Variants in CNTNAP3B observed in about 807,000 individuals in gnomAD.
CNTNAP3B encodes the protein contactin associated protein family member 3B.
In CNTNAP3B, 25 loss-of-function variants were observed where a neutral mutation model predicts 108.9. That is an observed-to-expected ratio of 0.23 (90% CI 0.17 to 0.32). The LOEUF is 0.32. CNTNAP3B is among the 10% of genes least tolerant of loss of function. The pLI is 1.00. For synonymous variants in CNTNAP3B, 103 were observed against 473.4 expected (o/e 0.22, Z 10.16); for missense variants, 252 against 1,210.4 (o/e 0.21, Z 11.75).
At chr9:41,939,589 G>C (rs1239126291) in intron 13 of CNTNAP3B, among the ~76,000 whole-genome samples, 4 of 152,298 alleles carry the variant, frequency 2.6e-5, no homozygotes, top group East Asian at 3.8e-4. Context: ...CTAAAAGCTT[G>C]TCACTACAAC....
chr9:41,979,112 G>T (rs1298774886), intron 9 of CNTNAP3B, among the ~76,000 whole-genome samples: 1 of 134,722 alleles, frequency 7.4e-6, no homozygotes, highest in Non-Finnish European at 1.6e-5. Flanking sequence ...TTCCTGAGGC[G>T]TTGTTCCTGC....
intron 3 of CNTNAP3B, among the ~76,000 whole-genome samples, chr9:42,061,444 A>T (rs62553640): frequency 7.6e-6 from 1 of 130,970 alleles, no homozygotes; most frequent in East Asian, 2.3e-4. Flanking sequence ...CAGCCTCCCG[A>T]GTAGCTGGGA....
chr9:41,963,934 C>T (rs1200283731), intron 11 of CNTNAP3B, among the ~76,000 whole-genome samples: 7 of 152,192 alleles, frequency 4.6e-5, no homozygotes, highest in African/African-American at 1.2e-4. Flanking sequence ...GTACTCAATA[C>T]ATTAATACTT....
intron 11 of CNTNAP3B, among the ~76,000 whole-genome samples, chr9:41,962,525 G>A (rs1247314551): frequency 6.9e-6 from 1 of 145,754 alleles, no homozygotes; most frequent in Non-Finnish European, 1.5e-5. Flanking sequence ...ACAAGAATAG[G>A]CTTCTGCTTT....
At chr9:41,982,158 T>A (rs1469919912) in intron 9 of CNTNAP3B, among the ~76,000 whole-genome samples, 1 of 68,730 alleles carries the variant, frequency 1.5e-5, no homozygotes, top group African/African-American at 7.1e-5. Context: ...ACACAGGACA[T>A]GGCAAAAATT....
chr9:42,089,226 AAATGTAGGGG>A (rs901663246), intron 2 of CNTNAP3B, among the ~76,000 whole-genome samples: 2 of 122,424 alleles, frequency 1.6e-5, no homozygotes, highest in Admixed American at 8.5e-5. Flanking sequence ...GGGAGAAGAA[AAATGTAGGGG>A]AATTTAATTC....
intron 2 of CNTNAP3B, among the ~76,000 whole-genome samples, chr9:42,104,274 G>T: frequency 1.3e-5 from 1 of 79,566 alleles, no homozygotes. Context: ...GTATACTGTG[G>T]CAGAACAAAA....
chr9:42,125,851 C>T lies in CNTNAP3B; in HGVS notation c.85+3159G>A, dbSNP rs1292572763. Among the ~76,000 whole-genome samples, 23 of 127,664 alleles carry T rather than the reference C, an allele frequency of 1.8e-4. 3 individuals carry two copies. Among genetic ancestry groups the T allele is most frequent in the Non-Finnish European group, 3.3e-4 (20 of 60,946 alleles). 83.8% of individuals were successfully genotyped at this position (127,664 alleles called of 152,430 possible). A position where few individuals can be genotyped will look rare whatever the true frequency, so the allele number is the denominator to read the frequency against. The stretch of plus-strand genomic sequence containing the variant: ...CAGGCTGGTTTCGAACTCCCGACCT[C>T]AAGTGATCCACCCGCCTCAGCCTCC... On this transcript the variant is annotated intron_variant, in intron 1 of 23. Coordinates refer to ENST00000377561, the MANE Select transcript of CNTNAP3B (RefSeq NM_001201380.3).
intron 4 of CNTNAP3B, among the ~76,000 whole-genome samples, chr9:42,003,242 C>A (rs1294070591): frequency 7.9e-6 from 1 of 125,892 alleles, no homozygotes; most frequent in African/African-American, 3.2e-5. Flanking sequence ...CTTCTCATTA[C>A]TACTTTTCTA....
intron 1 of CNTNAP3B, among the ~76,000 whole-genome samples, chr9:42,117,182 A>T (rs1294416258): frequency 7.4e-6 from 1 of 136,050 alleles, no homozygotes. Flanking sequence ...GACCTAATAG[A>T]CATCTACAGA....
At position 42,110,909 on chromosome 9, in the gene CNTNAP3B, G is replaced by A. The variant is rs1257026774; in HGVS notation, c.86-6170C>T. On this transcript the variant is annotated intron_variant, in intron 1 of 23. Coordinates refer to ENST00000377561, the MANE Select transcript of CNTNAP3B (RefSeq NM_001201380.3). ...ATCTAGAGGGAATGCTTCGGAAAAA[G>A]TACATTTTACTCACAGTGAACATAA... is the stretch of plus-strand genomic sequence containing the variant. Among the ~76,000 whole-genome samples, 161 of 139,988 alleles carry A rather than the reference G, an allele frequency of 1.2e-3. 17 individuals carry two copies. Among genetic ancestry groups the A allele is most frequent in the Middle Eastern group, 3.5e-3 (1 of 288 alleles). The allele number at this position is 139,988 out of a possible 152,430, so 91.8% of individuals were successfully genotyped here.
intron 2 of CNTNAP3B, among the ~76,000 whole-genome samples, chr9:42,086,406 T>C (rs1827704928): frequency 7.2e-6 from 1 of 139,138 alleles, no homozygotes; most frequent in Non-Finnish European, 1.5e-5. Context: ...AAATTTTTTT[T>C]ACATTTTTTA....
intron 2 of CNTNAP3B, among the ~76,000 whole-genome samples, chr9:42,103,489 T>C (rs1475703217): frequency 8.4e-6 from 1 of 119,260 alleles, no homozygotes. Flanking sequence ...TTCAGGAGGC[T>C]GAGGTGGGTG....
intron 14 of CNTNAP3B, among the ~76,000 whole-genome samples, chr9:41,933,456 T>A (rs1405559834): frequency 2.8e-5 from 4 of 144,960 alleles, no homozygotes; most frequent in Non-Finnish European, 6.1e-5. Context: ...CTGTCCTTAA[T>A]TCTCTTGAAT....
At chr9:41,959,893 G>A (rs1289505407) in intron 12 of CNTNAP3B, 1 of 152,392 alleles carries the variant, frequency 6.6e-6, no homozygotes, top group South Asian at 2.1e-4. Flanking sequence ...TTTGCAGAGA[G>A]TTGGAAGAGC....
intron 3 of CNTNAP3B, among the ~76,000 whole-genome samples, chr9:42,060,264 C>A (rs1827152219): frequency 1.5e-5 from 2 of 136,000 alleles, no homozygotes. Context: ...TCAAATGCTT[C>A]TGCTGTGTCC....
At chr9:41,936,722 T>C (rs1824167580) in intron 14 of CNTNAP3B, among the ~76,000 whole-genome samples, 1 of 152,250 alleles carries the variant, frequency 6.6e-6, no homozygotes, top group African/African-American at 2.4e-5. Flanking sequence ...TCAGATCTGT[T>C]CCTGTTACTC....
intron 14 of CNTNAP3B, among the ~76,000 whole-genome samples, chr9:41,931,060 T>C (rs1457649489): frequency 2.0e-5 from 3 of 152,302 alleles, no homozygotes; most frequent in Admixed American, 1.3e-4. Flanking sequence ...TAGTAAATAC[T>C]GTATTTTTTA....
At chr9:42,070,306 A>G (rs1462049443) in intron 3 of CNTNAP3B, among the ~76,000 whole-genome samples, 1 of 150,136 alleles carries the variant, frequency 6.7e-6, no homozygotes, top group Admixed American at 6.6e-5. Flanking sequence ...GTACACGAAG[A>G]TGGAGAGATA....
Sources: allele counts gnomAD v4.1 joint callset (sites outside exome capture counted in the v4.1 genomes callset), GRCh38; gene constraint gnomAD v4.1.1; transcripts MANE v1.5; gene names NCBI Gene and HGNC (gene_info 2026-07-23, HGNC 2026-07-21).